The following PCDH15 variants were observed in gnomAD, a reference collection of about 807,000 sequenced individuals.
PCDH15 encodes the protein protocadherin-15.
Under a neutral mutation model 178.5 loss-of-function variants are expected in PCDH15, and 129 were observed. That is an observed-to-expected ratio of 0.72 (90% CI 0.63 to 0.84). PCDH15 has a LOEUF of 0.84. Among genes scored for constraint, PCDH15 ranks in the 40% least tolerant of loss-of-function variants. The probability of loss-of-function intolerance (pLI) is 0.00; values close to 1 mark genes in which losing one functional copy is unlikely to be tolerated. For missense variants in PCDH15, 2,230 were observed against 2,099.9 expected (o/e 1.06, Z -1.21); for synonymous variants, 800 against 732.0 (o/e 1.09, Z -1.50).
At chr10:55,074,201 G>C (rs1227729911) in intron 2 of PCDH15, among the ~76,000 whole-genome samples, 1 of 152,166 alleles carries the variant, frequency 6.6e-6, no homozygotes, top group Non-Finnish European at 1.5e-5. Flanking sequence ...GTAATAGCAT[G>C]ATTTATATTC....
chr10:54,686,410 T>C (rs943837293), intron 1 of PCDH15, among the ~76,000 whole-genome samples: 1 of 151,688 alleles, frequency 6.6e-6, no homozygotes, highest in African/African-American at 2.4e-5. Flanking sequence ...TTATTGAGAT[T>C]TTTTAGCAAA....
intron 2 of PCDH15, among the ~76,000 whole-genome samples, chr10:55,593,070 G>A (rs963382376): frequency 3.3e-5 from 5 of 151,794 alleles, no homozygotes; most frequent in African/African-American, 1.2e-4. Context: ...ATTGAAAACT[G>A]AAATAAATCT....
At chr10:54,267,473 G>A (rs996139252) in intron 8 of PCDH15, among the ~76,000 whole-genome samples, 7 of 151,858 alleles carry the variant, frequency 4.6e-5, no homozygotes, top group Non-Finnish European at 7.4e-5. Flanking sequence ...AGGAAAAGAG[G>A]AAGTTAAATT....
At chr10:53,822,363 A>G (rs753378034) in intron 32 of PCDH15, 1 of 1,577,840 alleles carries the variant, frequency 6.3e-7, no homozygotes, top group East Asian at 2.4e-5. Context: ...AGGAAGAGGA[A>G]GAGGGATAGA....
chr10:54,293,400 G>A (rs1564886131), intron 8 of PCDH15, among the ~76,000 whole-genome samples: 1 of 152,124 alleles, frequency 6.6e-6, no homozygotes, highest in Non-Finnish European at 1.5e-5. Flanking sequence ...TCAGGACATA[G>A]GCATAGGCAA....
intron 2 of PCDH15, among the ~76,000 whole-genome samples, chr10:55,031,879 A>G (rs531309689): frequency 6.6e-6 from 1 of 152,324 alleles, no homozygotes; most frequent in South Asian, 2.1e-4. Context: ...TTCTTTATAA[A>G]TTACCCAGTC....
intron 25 of PCDH15, among the ~76,000 whole-genome samples, chr10:53,927,668 CA>C (rs546012418): frequency 8.1e-4 from 123 of 152,182 alleles, no homozygotes; most frequent in African/African-American, 2.8e-3. Context: ...CTGTATTGTG[CA>C]GGAAAAGGAG....
At chr10:54,739,844 A>T (rs1944565839) in intron 1 of PCDH15, among the ~76,000 whole-genome samples, 1 of 152,114 alleles carries the variant, frequency 6.6e-6, no homozygotes, top group Admixed American at 6.6e-5. Context: ...AGAACAATGA[A>T]AATAGACTCT....
chr10:54,491,030 A>G (rs1270069705), intron 3 of PCDH15, among the ~76,000 whole-genome samples: 1 of 152,178 alleles, frequency 6.6e-6, no homozygotes, highest in Non-Finnish European at 1.5e-5. Flanking sequence ...GTCTGCAGCA[A>G]ATGTGAACTT....
intron 1 of PCDH15, among the ~76,000 whole-genome samples, chr10:54,706,090 G>A (rs1025504034): frequency 1.3e-5 from 2 of 152,108 alleles, no homozygotes; most frequent in African/African-American, 4.8e-5. Flanking sequence ...AAATATGAAT[G>A]GTTGTCTGCC....
At chr10:54,777,008 T>C (rs1278260360) in intron 1 of PCDH15, among the ~76,000 whole-genome samples, 1 of 152,208 alleles carries the variant, frequency 6.6e-6, no homozygotes, top group African/African-American at 2.4e-5. Context: ...TATAGTATAA[T>C]GTGAATCCTC....
rs760536421 is a variant in PCDH15, at chr10:53,928,860, GA to G, written c.3373+9954del. ...TTTAAATTTGGACTAAAAAGGCTTA[GA>G]AAAAAAATCTAAATTATTTACTATA... On this transcript the variant is annotated intron_variant, in intron 25 of 37. Transcript: ENST00000644397. Among the ~76,000 whole-genome samples, 21 of 151,508 alleles carry G rather than the reference GA, an allele frequency of 1.4e-4. 1 individual carries two copies. In the South Asian group the frequency reaches 3.5e-3, roughly 25 times the overall value.
At chr10:55,560,206 C>T (rs561803903) in intron 2 of PCDH15, among the ~76,000 whole-genome samples, 5 of 151,762 alleles carry the variant, frequency 3.3e-5, no homozygotes, top group Non-Finnish European at 7.4e-5. Context: ...TTCCCCTCAG[C>T]CAGTAGAGGA....
intron 2 of PCDH15, among the ~76,000 whole-genome samples, chr10:54,936,669 T>G (rs533073880): frequency 6.6e-6 from 1 of 151,854 alleles, no homozygotes; most frequent in African/African-American, 2.4e-5. Context: ...TAGCCATTTT[T>G]TATCTTCATA....
intron 11 of PCDH15, among the ~76,000 whole-genome samples, chr10:54,186,619 C>T (rs1406333173): frequency 2.0e-5 from 3 of 151,872 alleles, no homozygotes; most frequent in Non-Finnish European, 4.4e-5. Context: ...CTACATTTAT[C>T]CTGGAACAAT....
At chr10:55,411,122 TA>T (rs1486026069) in intron 2 of PCDH15, among the ~76,000 whole-genome samples, 4 of 152,096 alleles carry the variant, frequency 2.6e-5, no homozygotes, top group Non-Finnish European at 5.9e-5. Context: ...GTAGCAATTT[TA>T]GGTGGTTAAT....
intron 2 of PCDH15, among the ~76,000 whole-genome samples, chr10:54,662,818 C>G (rs1040833464): frequency 3.9e-5 from 6 of 151,970 alleles, no homozygotes; most frequent in African/African-American, 7.2e-5. Context: ...TTCCAATCTA[C>G]TCCTCTGGCA....
chr10:54,853,812 GTTCTT>G (rs971874777), intron 3 of PCDH15, among the ~76,000 whole-genome samples: 1 of 152,204 alleles, frequency 6.6e-6, no homozygotes, highest in Non-Finnish European at 1.5e-5. Flanking sequence ...TTTACAAAAC[GTTCTT>G]TTCAAGTTTT....
intron 2 of PCDH15, among the ~76,000 whole-genome samples, chr10:55,106,603 A>G (rs1419467640): frequency 6.6e-6 from 1 of 152,018 alleles, no homozygotes; most frequent in Non-Finnish European, 1.5e-5. Context: ...TCTAATAGAG[A>G]CGGGGTTTCA....
Sources: gnomAD v4.1 joint callset for allele counts (sites outside exome capture counted in the v4.1 genomes callset) on GRCh38, gnomAD v4.1.1 for gene constraint, MANE v1.5 for transcripts, NCBI Gene and HGNC (gene_info 2026-07-23, HGNC 2026-07-21) for gene names.